CALN1: variants seen among roughly 807,000 people sequenced by gnomAD.
CALN1 encodes calcium-binding protein 8.
A neutral mutation model predicts 30.6 loss-of-function variants in CALN1; 17 were observed. That is an observed-to-expected ratio of 0.56 (90% CI 0.38 to 0.83). The LOEUF (loss-of-function observed/expected upper bound fraction) is 0.83. Ranked by LOEUF, CALN1 falls within the 40% of genes least tolerant of loss-of-function variation. The pLI is 0.00. For missense variants in CALN1, 291 were observed against 354.9 expected, an observed-to-expected ratio of 0.82 and a Z score of 1.45; for synonymous variants, 156 against 131.4, an observed-to-expected ratio of 1.19 and a Z score of -1.28.
At chr7:71,876,853 A>G (rs1792275074) in intron 5 of CALN1, among the ~76,000 whole-genome samples, 2 of 152,216 alleles carry the variant, frequency 1.3e-5, no homozygotes, top group Admixed American at 6.5e-5. Flanking sequence ...TATTACTGTT[A>G]TCAATGATTA....
the CALN1 span, among the ~76,000 whole-genome samples, chr7:72,467,316 G>A: frequency 6.6e-6 from 1 of 152,208 alleles, no homozygotes; most frequent in African/African-American, 2.4e-5. Flanking sequence ...CGGCAGGGGG[G>A]TGCCATGCCA....
At chr7:72,147,813 C>T (rs1786877181) in intron 3 of CALN1, among the ~76,000 whole-genome samples, 1 of 151,792 alleles carries the variant, frequency 6.6e-6, no homozygotes, top group Non-Finnish European at 1.5e-5. Flanking sequence ...ATGGATGAAG[C>T]TGGAAACCAT....
intron 5 of CALN1, among the ~76,000 whole-genome samples, chr7:71,820,293 C>T (rs991458839): frequency 3.9e-5 from 6 of 152,166 alleles, no homozygotes; most frequent in African/African-American, 1.4e-4. Flanking sequence ...ACCCACCAAC[C>T]TCCAGTTGTC....
At chr7:71,921,026 TA>T (rs1481262277) in intron 5 of CALN1, among the ~76,000 whole-genome samples, 1 of 152,128 alleles carries the variant, frequency 6.6e-6, no homozygotes. Context: ...TATGCAGCCA[TA>T]AAAAAGGATG....
chr7:71,826,078 A>T (rs1788900110), intron 5 of CALN1, among the ~76,000 whole-genome samples: 1 of 150,082 alleles, frequency 6.7e-6, no homozygotes, highest in East Asian at 2.0e-4. Flanking sequence ...ACAACAAAAA[A>T]CCCAAAACAG....
chr7:72,207,970 A>C (rs1792015806), intron 3 of CALN1, among the ~76,000 whole-genome samples: 1 of 152,218 alleles, frequency 6.6e-6, no homozygotes, highest in Non-Finnish European at 1.5e-5. Context: ...ACTCCAGTAT[A>C]ACAGACATAA....
intron 5 of CALN1, among the ~76,000 whole-genome samples, chr7:72,000,741 A>G (rs1799484827): frequency 6.6e-6 from 1 of 152,196 alleles, no homozygotes; most frequent in Admixed American, 6.6e-5. Flanking sequence ...ACAAACAAAC[A>G]AAAATTGCAG....
chr7:72,025,295 A>G (rs1384340101), intron 4 of CALN1, among the ~76,000 whole-genome samples: 1 of 152,116 alleles, frequency 6.6e-6, no homozygotes, highest in Non-Finnish European at 1.5e-5. Flanking sequence ...GGGCAATAAG[A>G]GCAAGACTCC....
rs532564796 is a variant in CALN1 at position 72,209,452 on chromosome 7, A to ACATCCTTTCTTCCTCCCTTC, written c.244+69214_244+69233dup. ...TCCCTCCTTCCCTCCTTCCTTCCTT[A>ACATCCTTTCTTCCTCCCTTC]CATCCTTTCTTCCTCCCTTCCCTTC... On this transcript the variant is annotated intron_variant, in intron 3 of 6. Transcript: ENST00000395275. Among the ~76,000 whole-genome samples, 614 of 74,940 alleles carry ACATCCTTTCTTCCTCCCTTC rather than the reference A, an allele frequency of 8.2e-3. 9 individuals are homozygous for ACATCCTTTCTTCCTCCCTTC. Among genetic ancestry groups the ACATCCTTTCTTCCTCCCTTC allele is most frequent in the Non-Finnish European group, 0.012 (446 of 38,062 alleles). The allele number at this position is 74,940 out of a possible 152,430, so 49.2% of individuals were successfully genotyped here.
At chr7:71,984,987 C>T (rs370710450) in intron 5 of CALN1, among the ~76,000 whole-genome samples, 2 of 152,118 alleles carry the variant, frequency 1.3e-5, no homozygotes, top group East Asian at 3.9e-4. Flanking sequence ...AGTTTGGAGC[C>T]GTCCAGGCAG....
chr7:72,321,891 CCT>C, intron 2 of CALN1, among the ~76,000 whole-genome samples: 1 of 152,224 alleles, frequency 6.6e-6, no homozygotes, highest in South Asian at 2.1e-4. Flanking sequence ...AACAAATCAC[CCT>C]GGGTCCCAGC....
chr7:71,847,838 AAGG>A lies in CALN1; in HGVS notation c.502-37349_502-37347del, dbSNP rs111892199. 7.1e-3 allele frequency among the ~76,000 whole-genome samples: 752 copies of A among 106,086 alleles called. 16 individuals carry two copies. Among genetic ancestry groups the A allele is most frequent in the African/African-American group, 0.033 (653 of 19,808 alleles). The allele number at this position is 106,086 out of a possible 152,430, so 69.6% of individuals were successfully genotyped here. A position where few individuals can be genotyped will look rare whatever the true frequency, so the allele number is the denominator to read the frequency against. On this transcript the variant is annotated intron_variant, in intron 5 of 6. Coordinates refer to ENST00000395275, the MANE Select transcript of CALN1 (RefSeq NM_031468.4). ...GAAGGAGAAGGAGAAGGAGAAGGAG[AAGG>A]AGAAGGAGAAGAAGAAGAGGAAAGT...
chr7:72,374,397 A>T lies in CALN1; in HGVS notation c.119+28854T>A, dbSNP rs1914396. Among the ~76,000 whole-genome samples the T allele has an allele frequency of 1.2e-3, 190 of 152,042 alleles. 1 individual carries two copies. Among genetic ancestry groups the T allele is most frequent in the African/African-American group, 4.2e-3 (176 of 41,460 alleles). ...TACAAAAGTTAACCGGGTGTGGTGG[A>T]GGGCGCCTGTAATCTCAGCTATTCA... On this transcript the variant is annotated intron_variant, in intron 2 of 6. Transcript: ENST00000395275.
chr7:71,819,730 T>C (rs1029818374), intron 5 of CALN1, among the ~76,000 whole-genome samples: 4 of 152,176 alleles, frequency 2.6e-5, no homozygotes, highest in African/African-American at 4.8e-5. Flanking sequence ...AGGTACCTTA[T>C]GTTAAGTGGA....
At chr7:72,121,808 T>C (rs190413536) in intron 3 of CALN1, among the ~76,000 whole-genome samples, 249 of 134,782 alleles carry the variant, frequency 1.8e-3, no homozygotes, top group Non-Finnish European at 3.1e-3. Flanking sequence ...GTTTTGATTA[T>C]TGTAAACATG....
intron 5 of CALN1, among the ~76,000 whole-genome samples, chr7:71,866,022 T>C (rs1791565162): frequency 6.6e-6 from 1 of 152,122 alleles, no homozygotes; most frequent in Admixed American, 6.6e-5. Context: ...TCTTTTTTTT[T>C]TGAGACAGAG....
intron 4 of CALN1, among the ~76,000 whole-genome samples, chr7:72,073,089 A>G (rs926787300): frequency 2.0e-5 from 3 of 152,208 alleles, no homozygotes; most frequent in Non-Finnish European, 4.4e-5. Flanking sequence ...AAATTCTGAC[A>G]TGTGCTACAA....
At chr7:71,975,266 G>C (rs933484348) in intron 5 of CALN1, among the ~76,000 whole-genome samples, 4 of 152,090 alleles carry the variant, frequency 2.6e-5, no homozygotes, top group Non-Finnish European at 5.9e-5. Flanking sequence ...GGTGGCATCT[G>C]TGTCCTCAGT....
At chr7:72,319,783 C>T (rs1226325733) in intron 2 of CALN1, among the ~76,000 whole-genome samples, 2 of 151,804 alleles carry the variant, frequency 1.3e-5, no homozygotes, top group East Asian at 1.9e-4. Flanking sequence ...GGGGGGTGGG[C>T]CTTGGGAGCT....
Sources: allele counts gnomAD v4.1 joint callset (sites outside exome capture counted in the v4.1 genomes callset), GRCh38; gene constraint gnomAD v4.1.1; transcripts MANE v1.5; gene names NCBI Gene and HGNC (gene_info 2026-07-23, HGNC 2026-07-21).